The following ATP13A4 variants were observed in gnomAD, a reference collection of about 807,000 sequenced individuals.
ATP13A4 encodes the protein probable cation-transporting ATPase 13A4.
In ATP13A4, 114 loss-of-function variants were observed where a neutral mutation model predicts 142.5. That is an observed-to-expected ratio of 0.80 (90% CI 0.69 to 0.93). ATP13A4 has a LOEUF of 0.93. Ranked by LOEUF, ATP13A4 falls within the 40% of genes least tolerant of loss-of-function variation. ATP13A4 has a pLI of 0.00. For synonymous variants in ATP13A4, 488 were observed against 514.8 expected (o/e 0.95, Z 0.70); for missense variants, 1,392 against 1,454.0 (o/e 0.96, Z 0.69).
upstream of ATP13A4, among the ~76,000 whole-genome samples, chr3:193,558,499 A>G (rs985877874): frequency 2.6e-5 from 4 of 152,238 alleles, no homozygotes; most frequent in Non-Finnish European, 5.9e-5. Flanking sequence ...GATTTAATAA[A>G]TTATGCCCCA....
In ATP13A4 at chr3:193,399,868, G is replaced by C. The variant is rs113321727; in HGVS notation, c.*2784C>G. 8.9e-3 allele frequency among the ~76,000 whole-genome samples: 795 copies of C among 88,850 alleles called. 16 individuals carry two copies. Among genetic ancestry groups the C allele is most frequent in the African/African-American group, 0.029 (755 of 26,214 alleles). 58.3% of individuals were successfully genotyped at this position (88,850 alleles called of 152,430 possible). Reference sequence around the variant, plus strand: ...CTCAAAAAAAAAAAAAAAAAAAAAAGGTTCACATCACAGCATAAGACTGAG... The same window carrying C: ...CTCAAAAAAAAAAAAAAAAAAAAAACGTTCACATCACAGCATAAGACTGAG... On this transcript the variant is annotated 3_prime_UTR_variant, in exon 30 of 30. Transcript: ENST00000342695.
At chr3:193,423,904 G>T (rs1715522574) in intron 25 of ATP13A4, among the ~76,000 whole-genome samples, 1 of 149,120 alleles carries the variant, frequency 6.7e-6, no homozygotes, top group Non-Finnish European at 1.5e-5. Context: ...TTTGGTGGTG[G>T]CATGCTCTTA....
intron 25 of ATP13A4, among the ~76,000 whole-genome samples, chr3:193,418,635 A>G (rs990482000): frequency 4.0e-5 from 6 of 149,510 alleles, no homozygotes; most frequent in African/African-American, 1.5e-4. Flanking sequence ...AAGCAAGAGG[A>G]CCCCAGCAGC....
At chr3:193,502,143 CA>C (rs1263789176) in intron 3 of ATP13A4, among the ~76,000 whole-genome samples, 1 of 152,060 alleles carries the variant, frequency 6.6e-6, no homozygotes. Context: ...CTACCTCTAA[CA>C]AAAGGAAAAG....
chr3:193,556,509 G>GTATA (rs201707271), upstream of ATP13A4, among the ~76,000 whole-genome samples: 2,515 of 151,350 alleles, frequency 0.017, 50 homozygotes, highest in African/African-American at 0.052. Flanking sequence ...GTGTGTGTGT[G>GTATA]TATATATATA....
In ATP13A4 at chr3:193,410,989, C is replaced by T. The variant is rs761713521; in HGVS notation, c.3290G>A (p.Arg1097His). Residue 1097 changes from arginine to histidine, a missense_variant, in exon 28 of 30, where the codon CGT becomes CAT. Transcript: ENST00000342695. Reference sequence around the variant, plus strand: ...CCCAAAGATTAGACTTACATCCAAACGTCTATATAATTCTGGTATATCAGC... The same window carrying T: ...CCCAAAGATTAGACTTACATCCAAATGTCTATATAATTCTGGTATATCAGC... Reference protein sequence around the residue: ...LFADIPELYRRLDLLCTPVLW... With the variant: ...LFADIPELYRHLDLLCTPVLW... 1.6e-5 allele frequency: 25 copies of T among 1,595,664 alleles called. No individual in the cohort carries two copies. The Middle Eastern group carries it at 6.6e-4, about 42-fold the overall frequency.
At chr3:193,543,003 A>C (rs1723019945) in intron 1 of ATP13A4, among the ~76,000 whole-genome samples, 1 of 151,602 alleles carries the variant, frequency 6.6e-6, no homozygotes, top group South Asian at 2.1e-4. Context: ...GTCTCTACTA[A>C]AAAATACAAC....
chr3:193,507,107 C>T (rs1720900324), intron 2 of ATP13A4, among the ~76,000 whole-genome samples: 3 of 152,074 alleles, frequency 2.0e-5, no homozygotes, highest in African/African-American at 7.2e-5. Context: ...TTCTGGCTTG[C>T]CTTAAAAAGA....
exon 1 of ATP13A4, chr3:193,593,086 T>C (rs1724893506): frequency 1.3e-5 from 5 of 389,474 alleles, no homozygotes; most frequent in Non-Finnish European, 2.3e-5. Flanking sequence ...AGGCGATGGA[T>C]TGCTCCAGTC....
At chr3:193,475,682 A>G (rs541935498) in intron 8 of ATP13A4, among the ~76,000 whole-genome samples, 8 of 152,178 alleles carry the variant, frequency 5.3e-5, no homozygotes, top group African/African-American at 1.7e-4. Context: ...TAATACAAAT[A>G]TAAGTTTGAA....
At chr3:193,523,165 G>C (rs1259540604) in intron 1 of ATP13A4, among the ~76,000 whole-genome samples, 3 of 152,092 alleles carry the variant, frequency 2.0e-5, no homozygotes, top group Non-Finnish European at 4.4e-5. Flanking sequence ...TTAGCCAGGC[G>C]TAGTGGCAGG....
At chr3:193,486,663 G>A (rs1287426495) in intron 7 of ATP13A4, among the ~76,000 whole-genome samples, 2 of 152,138 alleles carry the variant, frequency 1.3e-5, no homozygotes, top group African/African-American at 4.8e-5. Context: ...ATATTAAGGT[G>A]GGGATATCAA....
At chr3:193,481,613 A>G (rs1426928149) in intron 8 of ATP13A4, among the ~76,000 whole-genome samples, 1 of 152,160 alleles carries the variant, frequency 6.6e-6, no homozygotes, top group African/African-American at 2.4e-5. Flanking sequence ...ATTTTGGCTT[A>G]CAGAACTGTT....
intron 17 of ATP13A4, among the ~76,000 whole-genome samples, chr3:193,452,875 T>G (rs1409388509): frequency 1.3e-5 from 2 of 151,764 alleles, no homozygotes; most frequent in Admixed American, 6.6e-5. Flanking sequence ...ACACAAAGTA[T>G]TTTTCACACT....
intron 2 of ATP13A4, among the ~76,000 whole-genome samples, chr3:193,561,207 T>C (rs1347803282): frequency 2.0e-5 from 3 of 152,054 alleles, no homozygotes; most frequent in Admixed American, 6.5e-5. Context: ...TAACCAAGAG[T>C]GTGGCTGGGT....
intron 13 of ATP13A4, 41 bp downstream of exon 13, chr3:193,462,721 G>C (rs62285744): frequency 1.3e-6 from 2 of 1,568,846 alleles, no homozygotes; most frequent in Non-Finnish European, 1.8e-6. Flanking sequence ...TGGAAAAAGA[G>C]ACACTAGAAT....
rs142942671 is a variant in ATP13A4 at position 193,514,750 on chromosome 3, T to C, written c.182A>G (p.His61Arg). 3.6e-3 allele frequency: 5,734 copies of C among 1,614,170 alleles called. 15 individuals carry two copies. The highest frequency in any genetic ancestry group is 4.4e-3 in the Non-Finnish European group (5,178 of 1,180,038). The change falls in exon 2 of 30, where the codon CAT (histidine) becomes CGT (arginine). Residue 61 changes from histidine (H) to arginine (R), a missense_variant. Coordinates refer to ENST00000342695, the MANE Select transcript of ATP13A4 (RefSeq NM_032279.4). The part of the protein sequence containing the change: ...YWRPAWHVWA[H>R]CVPCSLQEAD... ...TTCTTGCAAGGAACATGGGACACAA[T>C]GTGCCCATACGTGCCATGCTGGTCT... is the stretch of plus-strand genomic sequence containing the variant.
At chr3:193,477,857 A>G (rs187688159) in intron 8 of ATP13A4, among the ~76,000 whole-genome samples, 9 of 152,176 alleles carry the variant, frequency 5.9e-5, no homozygotes, top group Non-Finnish European at 1.2e-4. Context: ...GAAGCAAACT[A>G]CTGATCAGCA....
At chr3:193,549,427 T>G in intron 1 of ATP13A4, among the ~76,000 whole-genome samples, 1 of 141,866 alleles carries the variant, frequency 7.0e-6, no homozygotes, top group African/African-American at 2.6e-5. Context: ...AATATATATA[T>G]ATATATAGAG....
Sources: gnomAD v4.1 joint callset for allele counts (sites outside exome capture counted in the v4.1 genomes callset) on GRCh38, gnomAD v4.1.1 for gene constraint, MANE v1.5 for transcripts, NCBI Gene and HGNC (gene_info 2026-07-23, HGNC 2026-07-21) for gene names.